ANKS1B: variants seen among roughly 807,000 people sequenced by gnomAD.
ANKS1B encodes ankyrin repeat and sterile alpha motif domain-containing protein 1B.
ANKS1B carries 36 observed loss-of-function variants against 148.3 expected under a neutral mutation model. That is an observed-to-expected ratio of 0.24 (90% CI 0.19 to 0.32). The LOEUF is 0.32. ANKS1B is among the 10% of genes least tolerant of loss of function. The probability of loss-of-function intolerance (pLI) is 1.00; values close to 1 mark genes in which losing one functional copy is unlikely to be tolerated. For synonymous variants in ANKS1B, 542 were observed against 560.8 expected, an observed-to-expected ratio of 0.97 and a Z score of 0.47; for missense variants, 1,157 against 1,542.6, an observed-to-expected ratio of 0.75 and a Z score of 4.19.
At chr12:99,212,283 C>A (rs1202540718) in intron 14 of ANKS1B, among the ~76,000 whole-genome samples, 4 of 152,090 alleles carry the variant, frequency 2.6e-5, no homozygotes, top group Non-Finnish European at 5.9e-5. Context: ...ATGTGTCAGT[C>A]CTATTATTTC....
At chr12:99,953,401 G>A (rs572149652) in intron 1 of ANKS1B, among the ~76,000 whole-genome samples, 16 of 152,166 alleles carry the variant, frequency 1.1e-4, no homozygotes, top group Non-Finnish European at 1.8e-4. Flanking sequence ...GTTTAAGAGA[G>A]TTGTTTCAAT....
chr12:99,680,917 A>G (rs968893355), intron 8 of ANKS1B, among the ~76,000 whole-genome samples: 3 of 151,992 alleles, frequency 2.0e-5, no homozygotes, highest in African/African-American at 7.3e-5. Flanking sequence ...TACGAGAGGC[A>G]GCCATAATCC....
chr12:98,981,896 G>A (rs377065121), intron 17 of ANKS1B, among the ~76,000 whole-genome samples: 3 of 152,152 alleles, frequency 2.0e-5, no homozygotes, highest in Admixed American at 1.3e-4. Flanking sequence ...GATACTGAAC[G>A]GATTTTCCTA....
At chr12:98,755,524 A>G (rs776221556) in intron 25 of ANKS1B, among the ~76,000 whole-genome samples, 4 of 152,224 alleles carry the variant, frequency 2.6e-5, no homozygotes, top group Non-Finnish European at 4.4e-5. Context: ...GAATGAATGA[A>G]TATCCACAGG....
intron 9 of ANKS1B, among the ~76,000 whole-genome samples, chr12:99,561,349 C>A (rs2097334163): frequency 6.6e-6 from 1 of 152,124 alleles, no homozygotes; most frequent in African/African-American, 2.4e-5. Flanking sequence ...CCTTTGTTGT[C>A]ATTTCAACAA....
chr12:99,197,147 G>T (rs2081489249), intron 14 of ANKS1B, among the ~76,000 whole-genome samples: 1 of 152,138 alleles, frequency 6.6e-6, no homozygotes, highest in Non-Finnish European at 1.5e-5. Context: ...ACTATGATTG[G>T]TAGCCTGATC....
At chr12:99,888,328 A>T (rs777791560) in intron 1 of ANKS1B, among the ~76,000 whole-genome samples, 2 of 152,194 alleles carry the variant, frequency 1.3e-5, no homozygotes, top group Non-Finnish European at 2.9e-5. Flanking sequence ...TGACCTAACT[A>T]ACGTAGCTTC....
chr12:99,327,539 A>AT (rs2086719151), intron 12 of ANKS1B, among the ~76,000 whole-genome samples: 1 of 145,392 alleles, frequency 6.9e-6, no homozygotes, highest in South Asian at 2.1e-4. Context: ...TGTTCATACA[A>AT]TGTTGAAATT....
intron 17 of ANKS1B, among the ~76,000 whole-genome samples, chr12:99,022,356 T>C (rs2099946289): frequency 6.6e-6 from 1 of 152,148 alleles, no homozygotes; most frequent in African/African-American, 2.4e-5. Flanking sequence ...AACTCCCACA[T>C]TGGACTATAA....
chr12:99,171,719 G>T (rs1366644325), intron 14 of ANKS1B, among the ~76,000 whole-genome samples: 2 of 152,092 alleles, frequency 1.3e-5, no homozygotes, highest in African/African-American at 4.8e-5. Context: ...TATATATATA[G>T]GCCATACCTG....
chr12:98,870,440 A>C (rs995864003), intron 17 of ANKS1B, among the ~76,000 whole-genome samples: 1 of 152,192 alleles, frequency 6.6e-6, no homozygotes, highest in African/African-American at 2.4e-5. Context: ...AGCTTTGGGG[A>C]GCATGTGTTC....
At chr12:99,515,681 G>T (rs976494661) in intron 9 of ANKS1B, among the ~76,000 whole-genome samples, 1 of 151,864 alleles carries the variant, frequency 6.6e-6, no homozygotes, top group African/African-American at 2.4e-5. Flanking sequence ...TTGGGGGTGG[G>T]GGGTGTATAT....
chr12:98,787,039 T>C (rs931236270), intron 22 of ANKS1B, among the ~76,000 whole-genome samples: 2 of 152,336 alleles, frequency 1.3e-5, no homozygotes, highest in East Asian at 3.9e-4. Flanking sequence ...CTTAGTTAGA[T>C]TCAAAGCTTA....
intron 9 of ANKS1B, among the ~76,000 whole-genome samples, chr12:99,575,605 C>T (rs530192322): frequency 6.6e-6 from 1 of 152,060 alleles, no homozygotes; most frequent in East Asian, 1.9e-4. Flanking sequence ...AAAGGGGAAA[C>T]CCCTTATCAA....
intron 12 of ANKS1B, among the ~76,000 whole-genome samples, chr12:99,333,942 G>T (rs945701594): frequency 6.1e-5 from 9 of 148,302 alleles, no homozygotes; most frequent in African/African-American, 2.3e-4. Context: ...ACTGCTGCCA[G>T]ATTGGTTTTT....
chr12:99,068,693 G>C (rs1407784766), intron 16 of ANKS1B, among the ~76,000 whole-genome samples: 1 of 135,408 alleles, frequency 7.4e-6, no homozygotes, highest in African/African-American at 2.6e-5. Context: ...CAGGTGGGAG[G>C]GGTGGGGGGC....
intron 22 of ANKS1B, among the ~76,000 whole-genome samples, chr12:98,785,944 G>C (rs932332517): frequency 6.6e-6 from 1 of 152,100 alleles, no homozygotes; most frequent in African/African-American, 2.4e-5. Context: ...GTTTCTAGTT[G>C]CTTTTCCCTA....
chr12:99,350,930 AG>A (rs1345685555), intron 12 of ANKS1B, among the ~76,000 whole-genome samples: 2 of 152,114 alleles, frequency 1.3e-5, no homozygotes, highest in Non-Finnish European at 2.9e-5. Flanking sequence ...CAAACCTAAT[AG>A]TCTCAGTCAC....
chr12:99,452,745 T>C (rs1286416312), intron 10 of ANKS1B, among the ~76,000 whole-genome samples: 1 of 152,194 alleles, frequency 6.6e-6, no homozygotes, highest in African/African-American at 2.4e-5. Flanking sequence ...AATTAACACA[T>C]TTTACTTTCT....
Sources: allele counts gnomAD v4.1 joint callset (sites outside exome capture counted in the v4.1 genomes callset), GRCh38; gene constraint gnomAD v4.1.1; transcripts MANE v1.5; gene names NCBI Gene and HGNC (gene_info 2026-07-23, HGNC 2026-07-21).